CAMTA1: variants seen among roughly 807,000 people sequenced by gnomAD.
CAMTA1 encodes the protein calmodulin binding transcription activator 1.
CAMTA1 carries 27 observed loss-of-function variants against 170.9 expected under a neutral mutation model. The ratio of observed to expected loss-of-function variants is 0.16; its 90% confidence interval spans 0.12 to 0.22. The LOEUF is 0.22. Ranked by LOEUF, CAMTA1 falls within the 10% of genes least tolerant of loss-of-function variation. The pLI is 1.00. For missense variants in CAMTA1, 1,619 were observed against 2,217.2 expected, an observed-to-expected ratio of 0.73 and a Z score of 5.42; for synonymous variants, 833 against 891.5, an observed-to-expected ratio of 0.93 and a Z score of 1.17.
intron 3 of CAMTA1, among the ~76,000 whole-genome samples, chr1:6,952,274 C>CA (rs1688617373): frequency 6.7e-6 from 1 of 148,730 alleles, no homozygotes; most frequent in South Asian, 2.1e-4. Flanking sequence ...ACTAAAAATA[C>CA]AAAAAAATTA....
intron 7 of CAMTA1, among the ~76,000 whole-genome samples, chr1:7,658,361 T>G (rs74053160): frequency 0.028 from 4,250 of 152,202 alleles, 180 homozygotes; most frequent in African/African-American, 0.097. Context: ...GAGACAGAGC[T>G]GCGTGTTCTC....
chr1:7,488,060 C>G (rs1345867019), intron 6 of CAMTA1, among the ~76,000 whole-genome samples: 1 of 152,206 alleles, frequency 6.6e-6, no homozygotes, highest in Admixed American at 6.5e-5. Flanking sequence ...TCTCTGCAGT[C>G]TCTCTGGAAT....
intron 3 of CAMTA1, among the ~76,000 whole-genome samples, chr1:6,854,063 A>G (rs1264264530): frequency 6.6e-6 from 1 of 152,224 alleles, no homozygotes; most frequent in African/African-American, 2.4e-5. Context: ...CCTAATTGAA[A>G]TCTCAGTGGG....
At chr1:7,365,295 G>A (rs905307348) in intron 5 of CAMTA1, among the ~76,000 whole-genome samples, 9 of 152,286 alleles carry the variant, frequency 5.9e-5, no homozygotes, top group Non-Finnish European at 8.8e-5. Context: ...AATCACCCTC[G>A]AATTATCTCT....
At position 7,565,772 on chromosome 1, in the gene CAMTA1, A is replaced by G. The variant is rs1576101377; in HGVS notation, c.511-74628A>G. ...ACTCAGGCTGCCATGACAAAATACC[A>G]TAGACCGGGTGGCTTAAACAGTAGA... On this transcript the variant is annotated intron_variant, in intron 6 of 22. Transcript: ENST00000303635. The surrounding 1 kb of genome is among the most constrained non-coding windows in gnomAD (Gnocchi z 4.5). Among the ~76,000 whole-genome samples the G allele has an allele frequency of 6.6e-6, 1 of 152,180 alleles. No homozygotes were observed. The highest frequency in any genetic ancestry group is 2.4e-5 in the African/African-American group (1 of 41,440).
intron 11 of CAMTA1, among the ~76,000 whole-genome samples, chr1:7,726,537 T>C (rs1039433701): frequency 6.6e-6 from 1 of 152,196 alleles, no homozygotes; most frequent in Non-Finnish European, 1.5e-5. Flanking sequence ...GTAGAAATGT[T>C]ATGTAAATTT....
chr1:7,653,875 G>A (rs2095862672), intron 7 of CAMTA1, among the ~76,000 whole-genome samples: 1 of 152,292 alleles, frequency 6.6e-6, no homozygotes, highest in Admixed American at 6.5e-5. Flanking sequence ...CAGCTCCTAG[G>A]GACAGGCATG....
chr1:7,332,722 A>T (rs2301463), intron 5 of CAMTA1, among the ~76,000 whole-genome samples: 64,681 of 152,128 alleles, frequency 0.43, 14,179 homozygotes, highest in East Asian at 0.61. Context: ...TCCATAATTT[A>T]GGAGGCTGCT....
intron 6 of CAMTA1, among the ~76,000 whole-genome samples, chr1:7,486,522 C>G (rs757566326): frequency 7.9e-5 from 12 of 152,192 alleles, no homozygotes; most frequent in Non-Finnish European, 1.5e-4. Context: ...TGAGCCTCCC[C>G]TGGGGCAAGT....
Position 7,744,884 on chromosome 1 carries a change from G to A in CAMTA1, c.4232G>A (p.Arg1411Gln), listed in dbSNP as rs2096846179. ...CACATTATTGAAGCCACACCTGACC[G>A]AATCAAGCAGGAGAATTTTGTGCCC... Reference protein sequence around the residue: ...AEHIIEATPDRIKQENFVPME... With the variant: ...AEHIIEATPDQIKQENFVPME... The change falls in exon 17 of 23, where the codon CGA (arginine) becomes CAA (glutamine). Residue 1411 changes from arginine to glutamine, a missense_variant. Arg to Gln is a conservative substitution (Grantham distance 43, BLOSUM62 1). This residue lies in a region of CAMTA1 where 370 missense variants were observed against 429.4 expected (regional missense o/e 0.86). Coordinates refer to ENST00000303635, the MANE Select transcript of CAMTA1 (RefSeq NM_015215.4). 2.5e-6 allele frequency: 4 copies of A among 1,614,078 alleles called. No homozygotes were observed. The highest frequency in any genetic ancestry group is 2.5e-6 in the Non-Finnish European group (3 of 1,180,016).
Position 7,641,956 on chromosome 1 carries a change from G to C in CAMTA1, c.664+1403G>C, listed in dbSNP as rs12751990. The stretch of plus-strand genomic sequence containing the variant: ...AGCACAGCCTGCAGCCCCCCCACCC[G>C]CAGCCCCCGGCCTCTGCAGGACTCT... On this transcript the variant is annotated intron_variant, in intron 7 of 22. Coordinates refer to ENST00000303635, the MANE Select transcript of CAMTA1 (RefSeq NM_015215.4). The surrounding 1 kb of genome is among the most constrained non-coding windows in gnomAD (Gnocchi z 4.5). 0.13 allele frequency among the ~76,000 whole-genome samples: 16,478 copies of C among 127,320 alleles called. 1,273 individuals carry two copies. Among genetic ancestry groups the C allele is most frequent in the African/African-American group, 0.27 (9,447 of 34,584 alleles). 83.5% of individuals were successfully genotyped at this position (127,320 alleles called of 152,430 possible). A position where few individuals can be genotyped will look rare whatever the true frequency, so the allele number is the denominator to read the frequency against.
In CAMTA1 at chr1:7,440,486, C is replaced by G. The variant is rs1212456468; in HGVS notation, c.439-27344C>G. Among the ~76,000 whole-genome samples, 4 of 152,242 alleles carry G rather than the reference C, an allele frequency of 2.6e-5. No individual in the cohort carries two copies. The East Asian group carries it at 7.7e-4, about 29-fold the overall frequency. On this transcript the variant is annotated intron_variant, in intron 5 of 22. Coordinates refer to ENST00000303635, the MANE Select transcript of CAMTA1 (RefSeq NM_015215.4). ...TGCATCTTGAAGGTTTGATTGATTG[C>G]GTCGTTCAGAGTGAATATATTTTTT...
At chr1:7,252,577 A>G (rs1279856550) in intron 5 of CAMTA1, among the ~76,000 whole-genome samples, 1 of 152,108 alleles carries the variant, frequency 6.6e-6, no homozygotes, top group African/African-American at 2.4e-5. Context: ...GGGGCTTTGT[A>G]CCTCACAGGA....
At chr1:7,151,473 C>T (rs1646575419) in intron 4 of CAMTA1, among the ~76,000 whole-genome samples, 1 of 152,164 alleles carries the variant, frequency 6.6e-6, no homozygotes, top group Admixed American at 6.5e-5. Context: ...CTGTTGTGTC[C>T]CTGCCTTCCA....
intron 5 of CAMTA1, among the ~76,000 whole-genome samples, chr1:7,310,700 C>CTTTCTTTCTTTCTTTCTTTCTT (rs1553129600): frequency 5.6e-5 from 3 of 53,490 alleles, no homozygotes; most frequent in East Asian, 3.6e-4. Flanking sequence ...CTCTCTCTCT[C>CTTTCTTTCTTTCTTTCTTTCTT]TCTTTCTTTC....
In CAMTA1 at chr1:7,664,425, C is replaced by T. The variant is rs763826776; in HGVS notation, c.1878C>T (p.Pro626=). 9.3e-6 allele frequency: 15 copies of T among 1,613,376 alleles called. No individual in the cohort carries two copies. Among genetic ancestry groups the T allele is most frequent in the African/African-American group, 1.3e-5 (1 of 74,934 alleles). ...TGCAGGACGCCAGCAAACCCCTCCC[C>T]GTCGAGCAGAACACCCACAGCAGCC... The part of the protein sequence containing the change: ...FFLQDASKPL[P]VEQNTHSSLS... The change falls in exon 9 of 23, where the codon CCC becomes CCT. Residue 626 remains proline (P), a synonymous_variant. Coordinates refer to ENST00000303635, the MANE Select transcript of CAMTA1 (RefSeq NM_015215.4).
intron 5 of CAMTA1, among the ~76,000 whole-genome samples, chr1:7,416,165 C>T (rs994695068): frequency 2.6e-5 from 4 of 152,034 alleles, no homozygotes; most frequent in Non-Finnish European, 5.9e-5. Flanking sequence ...GTGGGTAACC[C>T]GACCTTTCTC....
intron 6 of CAMTA1, among the ~76,000 whole-genome samples, chr1:7,531,525 C>A (rs560683763): frequency 6.6e-6 from 1 of 152,248 alleles, no homozygotes; most frequent in Admixed American, 6.5e-5. Flanking sequence ...GAGAGGAACC[C>A]CAAGTCCAGG....
chr1:6,948,856 C>A (rs551324648), intron 3 of CAMTA1, among the ~76,000 whole-genome samples: 1 of 152,054 alleles, frequency 6.6e-6, no homozygotes, highest in East Asian at 1.9e-4. Context: ...CTGAGGTGAT[C>A]GAAGAAATTT....
Sources: allele counts gnomAD v4.1 joint callset (sites outside exome capture counted in the v4.1 genomes callset), GRCh38; gene constraint gnomAD v4.1.1; regional missense constraint gnomAD v4.1.1; non-coding constraint Gnocchi (gnomAD v3.1); transcripts MANE v1.5; gene names NCBI Gene and HGNC (gene_info 2026-07-23, HGNC 2026-07-21).